Variants in ADAMTSL1 observed in about 807,000 individuals in gnomAD.
ADAMTSL1 encodes the protein ADAMTS like 1.
In ADAMTSL1, 126 loss-of-function variants were observed where a neutral mutation model predicts 201.8. The ratio of observed to expected loss-of-function variants is 0.62; its 90% CI spans 0.54 to 0.72. The LOEUF (loss-of-function observed/expected upper bound fraction) is 0.72. ADAMTSL1 is among the 30% of genes least tolerant of loss of function. ADAMTSL1 has a pLI of 0.00. For synonymous variants in ADAMTSL1, 1,121 were observed against 903.4 expected (o/e 1.24, Z -4.32); for missense variants, 2,679 against 2,277.8 (o/e 1.18, Z -3.59).
chr9:18,094,160 G>A (rs1477706356), intron 1 of ADAMTSL1, among the ~76,000 whole-genome samples: 1 of 152,148 alleles, frequency 6.6e-6, no homozygotes, highest in Non-Finnish European at 1.5e-5. Flanking sequence ...CCTGTTAAAT[G>A]CCACTCACCA....
chr9:18,486,914 G>A lies in ADAMTSL1; in HGVS notation c.63+12619G>A, dbSNP rs187642249. 1.7e-3 allele frequency among the ~76,000 whole-genome samples: 263 copies of A among 152,250 alleles called. 1 individual carries two copies. The highest frequency in any genetic ancestry group is 7.6e-3 in the Admixed American group (116 of 15,288). On this transcript the variant is annotated intron_variant, in intron 1 of 28. Coordinates refer to ENST00000380548, the MANE Select transcript of ADAMTSL1 (RefSeq NM_001040272.6). Reference sequence around the variant, plus strand: ...CTCCTTAGATTCATGTCACAATTACGAATCTTTACATGGGATGCCAGCAAA... The same window carrying A: ...CTCCTTAGATTCATGTCACAATTACAAATCTTTACATGGGATGCCAGCAAA...
chr9:18,640,565 T>A (rs1827376071), intron 7 of ADAMTSL1, among the ~76,000 whole-genome samples: 1 of 152,056 alleles, frequency 6.6e-6, no homozygotes, highest in African/African-American at 2.4e-5. Flanking sequence ...CCAGTTGCCT[T>A]CTGCACATCA....
intron 5 of ADAMTSL1, among the ~76,000 whole-genome samples, chr9:18,628,730 G>T (rs182186783): frequency 4.5e-4 from 68 of 152,242 alleles, no homozygotes; most frequent in African/African-American, 1.5e-3. Flanking sequence ...TTATGTCTCT[G>T]TTTACTTAGG....
At chr9:18,429,791 T>C (rs1819401245) in intron 2 of ADAMTSL1, among the ~76,000 whole-genome samples, 1 of 152,102 alleles carries the variant, frequency 6.6e-6, no homozygotes, top group African/African-American at 2.4e-5. Context: ...GATTTTTGTT[T>C]TTGTTTTTGT....
intron 1 of ADAMTSL1, among the ~76,000 whole-genome samples, chr9:18,124,358 G>T (rs561493799): frequency 6.6e-6 from 1 of 152,078 alleles, no homozygotes; most frequent in Admixed American, 6.5e-5. Flanking sequence ...TAGGATTACA[G>T]GTGTGCGCCA....
At chr9:18,794,177 C>A (rs1453532479) in intron 19 of ADAMTSL1, among the ~76,000 whole-genome samples, 1 of 152,016 alleles carries the variant, frequency 6.6e-6, no homozygotes, top group African/African-American at 2.4e-5. Context: ...TAAATAAGAC[C>A]TGAAGAGGAT....
intron 2 of ADAMTSL1, among the ~76,000 whole-genome samples, chr9:18,317,729 A>G (rs541941491): frequency 3.3e-5 from 5 of 152,284 alleles, no homozygotes; most frequent in African/African-American, 7.2e-5. Flanking sequence ...TTACACCTCT[A>G]TCCCTGGCCT....
chr9:18,264,890 CT>C (rs2132549139), intron 2 of ADAMTSL1, among the ~76,000 whole-genome samples: 1 of 152,282 alleles, frequency 6.6e-6, no homozygotes, highest in African/African-American at 2.4e-5. Context: ...GGGCAAGTGA[CT>C]TTACCTTGCC....
At chr9:18,000,049 A>G (rs1040459946) in intron 1 of ADAMTSL1, among the ~76,000 whole-genome samples, 13 of 148,246 alleles carry the variant, frequency 8.8e-5, no homozygotes, top group South Asian at 2.2e-4. Flanking sequence ...ATTGTGAATA[A>G]TGCCGCAATA....
intron 2 of ADAMTSL1, among the ~76,000 whole-genome samples, chr9:18,441,871 A>T (rs1366340115): frequency 6.6e-6 from 1 of 152,186 alleles, no homozygotes; most frequent in Admixed American, 6.5e-5. Flanking sequence ...TCAATTTTTA[A>T]CTAAGTTTTG....
intron 9 of ADAMTSL1, among the ~76,000 whole-genome samples, chr9:18,662,914 C>T (rs1829192560): frequency 6.6e-6 from 1 of 152,148 alleles, no homozygotes; most frequent in Non-Finnish European, 1.5e-5. Flanking sequence ...TAAGAAAAAT[C>T]TTCCCCTAGA....
At chr9:18,649,204 C>G (rs201007694) in intron 7 of ADAMTSL1, among the ~76,000 whole-genome samples, 2 of 152,190 alleles carry the variant, frequency 1.3e-5, no homozygotes, top group Non-Finnish European at 2.9e-5. Flanking sequence ...TCTGCATTCT[C>G]CACGTAGTTC....
chr9:18,501,246 C>T (rs998648034), intron 1 of ADAMTSL1, among the ~76,000 whole-genome samples: 4 of 152,138 alleles, frequency 2.6e-5, no homozygotes, highest in African/African-American at 9.7e-5. Flanking sequence ...CGTGATGGCT[C>T]ATGCCTGTAA....
At chr9:18,855,434 C>G (rs771293665) in intron 23 of ADAMTSL1, among the ~76,000 whole-genome samples, 3 of 152,170 alleles carry the variant, frequency 2.0e-5, no homozygotes, top group Non-Finnish European at 4.4e-5. Flanking sequence ...ATCTGCTGTT[C>G]TCTACCCATG....
chr9:18,414,172 T>A (rs537377733), intron 2 of ADAMTSL1, among the ~76,000 whole-genome samples: 1 of 152,158 alleles, frequency 6.6e-6, no homozygotes, highest in East Asian at 1.9e-4. Context: ...CTTAATCAAT[T>A]TTAATTCTAA....
intron 1 of ADAMTSL1, among the ~76,000 whole-genome samples, chr9:18,110,292 A>T (rs574317914): frequency 6.6e-6 from 1 of 152,252 alleles, no homozygotes; most frequent in African/African-American, 2.4e-5. Flanking sequence ...TTCCATGATC[A>T]TTCAGTCCTC....
chr9:17,967,867 T>C (rs1011046179), intron 1 of ADAMTSL1, among the ~76,000 whole-genome samples: 1 of 152,150 alleles, frequency 6.6e-6, no homozygotes, highest in African/African-American at 2.4e-5. Context: ...CTTCTTCTGT[T>C]TATTCACACT....
chr9:18,906,954 G>C, intron 28 of ADAMTSL1, 42 bp downstream of exon 28: 1 of 1,608,026 alleles, frequency 6.2e-7, no homozygotes, highest in Non-Finnish European at 8.5e-7. Flanking sequence ...ATTCCCCATA[G>C]AGCATCGAGT....
At chr9:18,008,063 C>G (rs1448240269) in intron 1 of ADAMTSL1, among the ~76,000 whole-genome samples, 3 of 151,986 alleles carry the variant, frequency 2.0e-5, no homozygotes, top group East Asian at 1.9e-4. Context: ...TATGATAACA[C>G]TGCATTGGTA....
Sources: allele counts gnomAD v4.1 joint callset (sites outside exome capture counted in the v4.1 genomes callset), GRCh38; gene constraint gnomAD v4.1.1; transcripts MANE v1.5; gene names NCBI Gene and HGNC (gene_info 2026-07-23, HGNC 2026-07-21).